The following SOX5 variants were observed in gnomAD, a reference collection of about 807,000 sequenced individuals.
SOX5 encodes SRY-box transcription factor 5.
SOX5 carries 9 observed loss-of-function variants against 92.0 expected under a neutral mutation model. The observed-to-expected ratio is 0.10, with a 90% CI of 0.06 to 0.17. The LOEUF (loss-of-function observed/expected upper bound fraction) is 0.17, where lower values mean the gene tolerates loss of function less well. Among genes scored for constraint, SOX5 ranks in the 10% least tolerant of loss-of-function variants. SOX5 has a pLI of 1.00. For synonymous variants in SOX5, 344 were observed against 336.3 expected (o/e 1.02, Z -0.25); for missense variants, 642 against 944.5 (o/e 0.68, Z 4.20).
chr12:24,156,767 A>G (rs1952217698), intron 4 of SOX5, among the ~76,000 whole-genome samples: 1 of 152,152 alleles, frequency 6.6e-6, no homozygotes, highest in Admixed American at 6.5e-5. Flanking sequence ...ATAATAAAAG[A>G]AATATAGGAA....
At chr12:23,628,897 G>A (rs924274230) in intron 8 of SOX5, among the ~76,000 whole-genome samples, 1 of 151,622 alleles carries the variant, frequency 6.6e-6, no homozygotes, top group East Asian at 1.9e-4. Flanking sequence ...GCTCGAAATT[G>A]TCATGTGGTT....
intron 2 of SOX5, among the ~76,000 whole-genome samples, chr12:24,296,956 C>A (rs1339793118): frequency 6.6e-6 from 1 of 151,534 alleles, no homozygotes; most frequent in Non-Finnish European, 1.5e-5. Context: ...CACACACACA[C>A]ACACAAACAC....
At chr12:23,605,729 T>A (rs1286759800) in intron 8 of SOX5, among the ~76,000 whole-genome samples, 1 of 151,748 alleles carries the variant, frequency 6.6e-6, no homozygotes, top group Non-Finnish European at 1.5e-5. Flanking sequence ...TCTCTCTAAA[T>A]AAAATAATGA....
At chr12:24,083,946 T>C (rs945464104) in intron 4 of SOX5, among the ~76,000 whole-genome samples, 3 of 151,920 alleles carry the variant, frequency 2.0e-5, no homozygotes, top group Non-Finnish European at 4.4e-5. Context: ...TGGGACGAGA[T>C]AGAGAACTAG....
intron 2 of SOX5, among the ~76,000 whole-genome samples, chr12:24,304,170 G>A (rs1309545291): frequency 6.6e-6 from 1 of 152,214 alleles, no homozygotes; most frequent in Non-Finnish European, 1.5e-5. Context: ...AGAAGGTTTT[G>A]ACAGGTAGAT....
chr12:23,635,227 G>A (rs1004007685), intron 8 of SOX5, among the ~76,000 whole-genome samples: 10 of 152,102 alleles, frequency 6.6e-5, no homozygotes, highest in African/African-American at 1.9e-4. Context: ...TGAGTAATGG[G>A]GTTATTTCCT....
intron 4 of SOX5, among the ~76,000 whole-genome samples, chr12:23,971,804 AG>A (rs1382994628): frequency 6.6e-6 from 1 of 152,120 alleles, no homozygotes; most frequent in Non-Finnish European, 1.5e-5. Flanking sequence ...GGAGGGGAAA[AG>A]CAACAGAGTT....
chr12:24,018,128 C>T (rs1953870428), intron 4 of SOX5, among the ~76,000 whole-genome samples: 1 of 152,062 alleles, frequency 6.6e-6, no homozygotes, highest in South Asian at 2.1e-4. Context: ...TCTGCCCCTA[C>T]ATCACCGGCT....
At chr12:24,262,881 T>G (rs1942369029) in intron 3 of SOX5, among the ~76,000 whole-genome samples, 2 of 152,148 alleles carry the variant, frequency 1.3e-5, no homozygotes, top group Admixed American at 1.3e-4. Flanking sequence ...TTACCATCAA[T>G]AGACTGGGAG....
intron 8 of SOX5, among the ~76,000 whole-genome samples, chr12:23,606,675 T>A (rs531354838): frequency 2.4e-4 from 36 of 152,104 alleles, no homozygotes; most frequent in Non-Finnish European, 4.1e-4. Context: ...TTATTAAAAA[T>A]ACAAGTATAA....
chr12:23,633,004 A>C (rs901714398), intron 8 of SOX5, among the ~76,000 whole-genome samples: 7 of 152,160 alleles, frequency 4.6e-5, no homozygotes, highest in African/African-American at 1.4e-4. Flanking sequence ...TGATGATTGG[A>C]TGCTACTTGC....
intron 3 of SOX5, among the ~76,000 whole-genome samples, chr12:23,768,280 C>G (rs1270569920): frequency 2.0e-5 from 3 of 151,992 alleles, no homozygotes; most frequent in Non-Finnish European, 2.9e-5. Flanking sequence ...TGGAAATGGT[C>G]TTTTTTAAAG....
At chr12:23,750,058 T>C (rs939051521) in intron 4 of SOX5, among the ~76,000 whole-genome samples, 30 of 151,812 alleles carry the variant, frequency 2.0e-4, no homozygotes, top group African/African-American at 6.8e-4. Flanking sequence ...GGTCTAGAAA[T>C]GTTCTCCAGT....
Position 23,755,438 on chromosome 12 carries a change from A to T in SOX5, c.568+200T>A, listed in dbSNP as rs145365381. ...GTGATTCTGTTGAAAACAACATATCATTTATTCCATAAGGCACAAACAAAG... is the reference window on the plus strand; with the variant it reads ...GTGATTCTGTTGAAAACAACATATCTTTTATTCCATAAGGCACAAACAAAG... On this transcript the variant is annotated intron_variant, in intron 4 of 14. Transcript: ENST00000451604. Among the ~76,000 whole-genome samples, 789 of 151,880 alleles carry T rather than the reference A, an allele frequency of 5.2e-3. 7 individuals are homozygous for T. Among genetic ancestry groups the T allele is most frequent in the Admixed American group, 0.035 (532 of 15,206 alleles).
At chr12:24,154,677 T>C (rs947414360) in intron 4 of SOX5, among the ~76,000 whole-genome samples, 1 of 152,116 alleles carries the variant, frequency 6.6e-6, no homozygotes, top group African/African-American at 2.4e-5. Flanking sequence ...AAGGGCAGGA[T>C]ATAAAAGTGT....
In SOX5 at chr12:24,040,193, C is replaced by T. The variant is rs1034830731; in HGVS notation, c.-1-144169G>A. ...AATAGGAAAAAATGTAGGTTGTAGA[C>T]TTCTTTTCCAGGTAGTCTTTGAAAA... On this transcript the variant is annotated intron_variant, in intron 4 of 4. Coordinates refer to the SOX5 transcript ENST00000446891. 2.0e-5 allele frequency among the ~76,000 whole-genome samples: 3 copies of T among 152,140 alleles called. No homozygotes were observed. In the South Asian group the frequency reaches 6.2e-4, roughly 31 times the overall value.
At chr12:24,413,760 C>T (rs1964527350) in intron 1 of SOX5, among the ~76,000 whole-genome samples, 1 of 152,162 alleles carries the variant, frequency 6.6e-6, no homozygotes, top group Admixed American at 6.5e-5. Context: ...ACAAGAGGTT[C>T]CAAGCATGAA....
intron 3 of SOX5, among the ~76,000 whole-genome samples, chr12:24,271,516 A>G (rs1943729202): frequency 1.3e-5 from 2 of 152,062 alleles, no homozygotes; most frequent in Non-Finnish European, 2.9e-5. Flanking sequence ...ACAACAAGAA[A>G]ATGTGTTGTG....
At chr12:24,112,180 C>T (rs1014117892) in intron 4 of SOX5, among the ~76,000 whole-genome samples, 7 of 152,162 alleles carry the variant, frequency 4.6e-5, no homozygotes, top group Non-Finnish European at 8.8e-5. Context: ...ACATCATTAA[C>T]GAGAGCCGCC....
Sources: gnomAD v4.1 joint callset for allele counts (sites outside exome capture counted in the v4.1 genomes callset) on GRCh38, gnomAD v4.1.1 for gene constraint, MANE v1.5 for transcripts, NCBI Gene and HGNC (gene_info 2026-07-23, HGNC 2026-07-21) for gene names.